Variants in HTR3B observed in about 807,000 individuals in gnomAD.
HTR3B encodes the protein 5-hydroxytryptamine (serotonin) receptor 3B, ionotropic.
A neutral mutation model predicts 42.8 loss-of-function variants in HTR3B; 44 were observed. That is an observed-to-expected ratio of 1.03 (90% CI 0.81 to 1.32). The LOEUF (loss-of-function observed/expected upper bound fraction) is 1.32. Ranked by LOEUF, HTR3B falls within the 40% of genes most tolerant of loss-of-function variation. The pLI is 0.00. For synonymous variants in HTR3B, 203 were observed against 209.0 expected, an observed-to-expected ratio of 0.97 and a Z score of 0.25; for missense variants, 527 against 536.5, an observed-to-expected ratio of 0.98 and a Z score of 0.17.
chr11:113,899,473 T>C, the HTR3B span, among the ~76,000 whole-genome samples: 1 of 152,220 alleles, frequency 6.6e-6, no homozygotes, highest in Non-Finnish European at 1.5e-5. Context: ...TCCCCGAATA[T>C]GTACATCTGT....
intron 6 of HTR3B, among the ~76,000 whole-genome samples, chr11:113,938,166 G>T (rs927627200): frequency 6.6e-6 from 1 of 152,084 alleles, no homozygotes; most frequent in African/African-American, 2.4e-5. Flanking sequence ...CATCTTCAAT[G>T]ATATCATTTC....
intron 6 of HTR3B, among the ~76,000 whole-genome samples, chr11:113,933,538 C>T (rs1950059247): frequency 2.6e-5 from 4 of 151,780 alleles, no homozygotes; most frequent in Admixed American, 2.0e-4. Context: ...ATGCATAATA[C>T]GATAATATTA....
At chr11:113,900,704 G>A (rs1411250907), upstream of HTR3B, among the ~76,000 whole-genome samples, 10 of 152,094 alleles carry the variant, frequency 6.6e-5, no homozygotes, top group Admixed American at 6.5e-4. Context: ...TGTTGGTCAG[G>A]CTGGTCTCGA....
At position 113,939,914 on chromosome 11, in the gene HTR3B, T is replaced by C. The variant is rs147738536; in HGVS notation, c.697-3068T>C. ...TTTTTTTTTTTTTTTTGAGACAGAG[T>C]CTCACTCTGTTGCCCAGGCTGGAGT... On this transcript the variant is annotated intron_variant, in intron 6 of 8. Coordinates refer to ENST00000260191, the MANE Select transcript of HTR3B (RefSeq NM_006028.5). 2.2e-3 allele frequency among the ~76,000 whole-genome samples: 321 copies of C among 144,000 alleles called. 2 individuals carry two copies. The highest frequency in any genetic ancestry group is 7.8e-3 in the African/African-American group (300 of 38,610). 94.5% of individuals were successfully genotyped at this position (144,000 alleles called of 152,430 possible).
At chr11:113,912,609 G>A (rs1305845612) in intron 2 of HTR3B, among the ~76,000 whole-genome samples, 1 of 152,176 alleles carries the variant, frequency 6.6e-6, no homozygotes, top group African/African-American at 2.4e-5. Context: ...TATACTTAAT[G>A]AGAAACTGCC....
intron 2 of HTR3B, among the ~76,000 whole-genome samples, chr11:113,918,569 T>C (rs1398396950): frequency 1.3e-5 from 2 of 152,188 alleles, no homozygotes; most frequent in African/African-American, 2.4e-5. Flanking sequence ...ATCTGTGTTG[T>C]TGTGAACGCC....
intron 2 of HTR3B, among the ~76,000 whole-genome samples, chr11:113,925,479 A>G (rs926028836): frequency 3.0e-5 from 4 of 132,280 alleles, no homozygotes; most frequent in Non-Finnish European, 4.6e-5. Context: ...ACTGGAGTGC[A>G]GTGGCGCCAT....
At chr11:113,907,400 C>T (rs909583661) in intron 1 of HTR3B, among the ~76,000 whole-genome samples, 1 of 152,164 alleles carries the variant, frequency 6.6e-6, no homozygotes, top group Non-Finnish European at 1.5e-5. Context: ...AATCTCTCTC[C>T]TGTAATTGAT....
chr11:113,908,405 A>G (rs1476409603), intron 1 of HTR3B, among the ~76,000 whole-genome samples: 4 of 152,210 alleles, frequency 2.6e-5, no homozygotes, highest in African/African-American at 9.6e-5. Flanking sequence ...GCAGGACACT[A>G]CAGAGAGATT....
chr11:113,936,494 G>A (rs1007887211), intron 6 of HTR3B, among the ~76,000 whole-genome samples: 2 of 152,034 alleles, frequency 1.3e-5, no homozygotes, highest in Non-Finnish European at 1.5e-5. Context: ...ATTGAATGCA[G>A]CTTATAAACT....
rs540190991 is a variant in HTR3B, at chr11:113,945,096, C to T, written c.1090+341C>T. ...CTGAGATTGCAGGTGTGAGCCACTG[C>T]GCTCAGCTGAAAGTCTAATTTTGGC... is the stretch of plus-strand genomic sequence containing the variant. On this transcript the variant is annotated intron_variant, in intron 8 of 8. Transcript: ENST00000260191. 1.4e-4 allele frequency among the ~76,000 whole-genome samples: 22 copies of T among 151,780 alleles called. 1 individual carries two copies. In the South Asian group the frequency reaches 2.9e-3, roughly 20 times the overall value.
chr11:113,930,514 A>G (rs1950023977), intron 2 of HTR3B, among the ~76,000 whole-genome samples: 1 of 104,854 alleles, frequency 9.5e-6, no homozygotes. Context: ...TTTGAGACAG[A>G]GTCTCTCTCT....
chr11:113,943,350 A>G (rs1385901377), intron 7 of HTR3B, among the ~76,000 whole-genome samples, 158 bp downstream of exon 7: 1 of 152,090 alleles, frequency 6.6e-6, no homozygotes, highest in African/African-American at 2.4e-5. Flanking sequence ...CAGCCTAGGC[A>G]ACATAGTGAG....
At chr11:113,945,806 C>A in intron 8 of HTR3B, 96 bp from the exon 9 acceptor site, 1 of 863,790 alleles carries the variant, frequency 1.2e-6, no homozygotes, top group Non-Finnish European at 1.9e-6. Context: ...TCACCTGCAA[C>A]TTTCCTTGAA....
chr11:113,936,656 C>T (rs1950094621), intron 6 of HTR3B, among the ~76,000 whole-genome samples: 1 of 152,062 alleles, frequency 6.6e-6, no homozygotes, highest in Non-Finnish European at 1.5e-5. Flanking sequence ...CCAGAGCGAC[C>T]CATAGTCTAG....
upstream of HTR3B, among the ~76,000 whole-genome samples, chr11:113,902,012 G>A (rs1949700541): frequency 6.6e-6 from 1 of 152,194 alleles, no homozygotes; most frequent in South Asian, 2.1e-4. Flanking sequence ...CTGATAGGAA[G>A]AGCTGAGACT....
In HTR3B at chr11:113,943,011, T is replaced by G; in HGVS notation, c.726T>G (p.Tyr242Ter). The G allele has an allele frequency of 6.2e-7, 1 of 1,614,122 alleles. No individual in the cohort carries two copies. The highest frequency in any genetic ancestry group is 1.1e-5 in the South Asian group (1 of 91,078). ...TGATGCGCAGGCACCCCCTGGTCTA[T>G]GTCGTGAGTCTGCTGATTCCTAGCA... ...NVVMRRHPLV[Y>*]VVSLLIPSIF... The change falls in exon 7 of 9, where the codon TAT (tyrosine) becomes TAG (stop). Residue 242 changes from tyrosine (Y) to a stop codon, truncating the protein, a stop_gained. Coordinates refer to ENST00000260191, the MANE Select transcript of HTR3B (RefSeq NM_006028.5). LOFTEE classifies it high-confidence loss of function.
Position 113,909,473 on chromosome 11 carries a change from C to G in HTR3B, c.213+18C>G. 1 of 1,604,046 alleles carries G rather than the reference C, an allele frequency of 6.2e-7. No individual in the cohort carries two copies. Among genetic ancestry groups the G allele is most frequent in the Non-Finnish European group, 8.5e-7 (1 of 1,173,936 alleles). On this transcript the variant is annotated intron_variant, in intron 2 of 8. Coordinates refer to ENST00000260191, the MANE Select transcript of HTR3B (RefSeq NM_006028.5). ...TGGATGTGGTAAGGACCATCTTGCC[C>G]CTTCCTATTCTTGTTAACGTCTTTT...
At chr11:113,899,396 G>A in the HTR3B span, among the ~76,000 whole-genome samples, 2 of 152,178 alleles carry the variant, frequency 1.3e-5, no homozygotes, top group Non-Finnish European at 2.9e-5. Flanking sequence ...AAATGTTTGA[G>A]TTTGGCTGGA....
Sources: allele counts gnomAD v4.1 joint callset (sites outside exome capture counted in the v4.1 genomes callset), GRCh38; gene constraint gnomAD v4.1.1; transcripts MANE v1.5; gene names NCBI Gene and HGNC (gene_info 2026-07-23, HGNC 2026-07-21).